The following FBN1 variants were observed in gnomAD, a reference collection of about 807,000 sequenced individuals.
FBN1 encodes the protein fibrillin-1.
A neutral mutation model predicts 365.1 loss-of-function variants in FBN1; 29 were observed. The observed-to-expected ratio is 0.08, with a 90% CI of 0.06 to 0.11. FBN1 has a LOEUF of 0.11. Among genes scored for constraint, FBN1 ranks in the 10% least tolerant of loss-of-function variants. FBN1 has a pLI of 1.00. For synonymous variants in FBN1, 1,210 were observed against 1,270.5 expected (o/e 0.95, Z 1.01); for missense variants, 2,476 against 3,703.2 (o/e 0.67, Z 8.60).
At chr15:48,620,757 G>A (rs1889750520) in intron 2 of FBN1, among the ~76,000 whole-genome samples, 1 of 152,130 alleles carries the variant, frequency 6.6e-6, no homozygotes, top group Non-Finnish European at 1.5e-5. Flanking sequence ...TTATGTGCTA[G>A]GCACTGTGTT....
Position 48,494,826 on chromosome 15 carries a change from C to T in FBN1, c.2677+297G>A, listed in dbSNP as rs184699495. The stretch of plus-strand genomic sequence containing the variant: ...TAGCTTTTTGAAAGATAATCTGTAC[C>T]TATAAAAAGCTCAGAACCCCTAACC... On this transcript the variant is annotated intron_variant, in intron 22 of 65. Coordinates refer to ENST00000316623, the MANE Select transcript of FBN1 (RefSeq NM_000138.5). Among the ~76,000 whole-genome samples, 306 of 152,232 alleles carry T rather than the reference C, an allele frequency of 2.0e-3. 2 individuals carry two copies. In the South Asian group the frequency reaches 0.025, roughly 13 times the overall value.
intron 63 of FBN1, among the ~76,000 whole-genome samples, chr15:48,417,202 A>G (rs1288397495): frequency 6.6e-6 from 1 of 152,206 alleles, no homozygotes; most frequent in Non-Finnish European, 1.5e-5. Context: ...GCTAAGGCAC[A>G]TTCATTTATA....
intron 23 of FBN1, among the ~76,000 whole-genome samples, chr15:48,493,868 G>A (rs567140335): frequency 3.2e-4 from 49 of 152,224 alleles, no homozygotes; most frequent in Non-Finnish European, 5.6e-4. Context: ...AAAATGCCAG[G>A]ACAAACCAAA....
At position 48,469,091 on chromosome 15, in the gene FBN1, TATAAAATATAATATATATTAC is replaced by T. The variant is rs1281589466; in HGVS notation, c.4460-578_4460-558del. ...TCAAAAAAAAAAAAATATATATATA[TATAAAATATAATATATATTAC>T]ATATATATATAAAATATAATATATA... On this transcript the variant is annotated intron_variant, in intron 36 of 65. Coordinates refer to ENST00000316623, the MANE Select transcript of FBN1 (RefSeq NM_000138.5). Among the ~76,000 whole-genome samples, 418 of 103,038 alleles carry T rather than the reference TATAAAATATAATATATATTAC, an allele frequency of 4.1e-3. 6 individuals are homozygous for T. The East Asian group carries it at 0.075, about 19-fold the overall frequency. The allele number at this position is 103,038 out of a possible 152,430, so 67.6% of individuals were successfully genotyped here. A position where few individuals can be genotyped will look rare whatever the true frequency, so the allele number is the denominator to read the frequency against.
intron 32 of FBN1, among the ~76,000 whole-genome samples, chr15:48,477,295 A>C (rs1023411350): frequency 6.6e-6 from 1 of 152,222 alleles, no homozygotes; most frequent in East Asian, 1.9e-4. Flanking sequence ...GTTTTATGGC[A>C]ATGTTTTCAA....
intron 2 of FBN1, among the ~76,000 whole-genome samples, chr15:48,637,202 A>G (rs1282402209): frequency 6.6e-6 from 1 of 152,056 alleles, no homozygotes; most frequent in Non-Finnish European, 1.5e-5. Context: ...TGTGACTCCT[A>G]TATTAGCCTC....
chr15:48,634,376 G>A (rs1890050541), intron 2 of FBN1, among the ~76,000 whole-genome samples: 1 of 152,106 alleles, frequency 6.6e-6, no homozygotes. Context: ...TAAGCTCTCT[G>A]TCCCCTAAAA....
intron 2 of FBN1, among the ~76,000 whole-genome samples, chr15:48,630,858 G>A (rs1889975791): frequency 6.6e-6 from 1 of 152,112 alleles, no homozygotes; most frequent in African/African-American, 2.4e-5. Flanking sequence ...ACGGGGATGA[G>A]AGACATTAAG....
Position 48,644,586 on chromosome 15 carries a change from G to C in FBN1, c.164+20C>G, listed in dbSNP as rs1890256903. The stretch of plus-strand genomic sequence containing the variant: ...GAAACTTGGGAGACCCACACCAAAG[G>C]AGGGAACCGGTTCCTTTACCCTTTA... On this transcript the variant is annotated intron_variant, in intron 2 of 65. Transcript: ENST00000316623. 1 of 1,613,928 alleles carries C rather than the reference G, an allele frequency of 6.2e-7. No homozygotes were observed. The highest frequency in any genetic ancestry group is 8.5e-7 in the Non-Finnish European group (1 of 1,179,972).
chr15:48,583,031 A>G (rs2044407473), intron 6 of FBN1, among the ~76,000 whole-genome samples: 2 of 152,240 alleles, frequency 1.3e-5, no homozygotes, highest in Admixed American at 6.5e-5. Context: ...TGGGAGTCAC[A>G]GCACCACTGC....
At chr15:48,472,450 C>A (rs965001586) in intron 35 of FBN1, 101 bp downstream of exon 35, 254 of 1,458,830 alleles carry the variant, frequency 1.7e-4, no homozygotes, top group Non-Finnish European at 2.2e-4. Flanking sequence ...CTAAAACACA[C>A]CTCAGTTTAA....
At chr15:48,466,129 C>T (rs571604577) in intron 38 of FBN1, among the ~76,000 whole-genome samples, 28 of 152,258 alleles carry the variant, frequency 1.8e-4, no homozygotes, top group African/African-American at 6.5e-4. Context: ...CTGTTTTATA[C>T]CTTACCTTCA....
At chr15:48,576,343 G>GA (rs149255910) in intron 6 of FBN1, among the ~76,000 whole-genome samples, 10 of 151,984 alleles carry the variant, frequency 6.6e-5, no homozygotes, top group African/African-American at 2.2e-4. Context: ...TAATTCTCTG[G>GA]AAAAAAATTG....
intron 19 of FBN1, among the ~76,000 whole-genome samples, chr15:48,496,525 T>C (rs2043609981): frequency 6.6e-6 from 1 of 152,168 alleles, no homozygotes; most frequent in South Asian, 2.1e-4. Context: ...CATTAATCTT[T>C]ATAGAGTTAC....
intron 60 of FBN1, 47 bp downstream of exon 60, chr15:48,425,322 C>T (rs2042970523): frequency 6.2e-7 from 1 of 1,613,482 alleles, no homozygotes; most frequent in African/African-American, 1.3e-5. Flanking sequence ...AGGAATGCAG[C>T]CATGTGTCAG....
chr15:48,437,229 T>C, intron 52 of FBN1, 93 bp downstream of exon 52: 1 of 1,326,120 alleles, frequency 7.5e-7, no homozygotes, highest in East Asian at 2.3e-5. Context: ...AGCACTTAAT[T>C]TTCCAAGATA....
chr15:48,485,989 T>C (rs1566909103), intron 29 of FBN1, among the ~76,000 whole-genome samples: 1 of 152,226 alleles, frequency 6.6e-6, no homozygotes, highest in Non-Finnish European at 1.5e-5. Flanking sequence ...CAAATGTTAA[T>C]GACATACCTA....
intron 64 of FBN1, among the ~76,000 whole-genome samples, chr15:48,414,867 G>A (rs2042889453): frequency 7.0e-6 from 1 of 142,222 alleles, no homozygotes; most frequent in South Asian, 2.3e-4. Flanking sequence ...CTGCACTCCA[G>A]CCTGGGCGAC....
chr15:48,640,487 C>A (rs1890179002), intron 2 of FBN1, among the ~76,000 whole-genome samples: 1 of 152,114 alleles, frequency 6.6e-6, no homozygotes, highest in Admixed American at 6.5e-5. Context: ...GTCTACAGAA[C>A]TTTTTCTGTA....
Sources: allele counts gnomAD v4.1 joint callset (sites outside exome capture counted in the v4.1 genomes callset), GRCh38; gene constraint gnomAD v4.1.1; transcripts MANE v1.5; gene names NCBI Gene and HGNC (gene_info 2026-07-23, HGNC 2026-07-21).